PTPRN2: variants seen among roughly 807,000 people sequenced by gnomAD.
PTPRN2 encodes the protein receptor-type tyrosine-protein phosphatase N2.
Under a neutral mutation model 118.8 loss-of-function variants are expected in PTPRN2, and 74 were observed. The ratio of observed to expected loss-of-function variants is 0.62; its 90% CI spans 0.52 to 0.76. PTPRN2 has a LOEUF of 0.76. Among genes scored for constraint, PTPRN2 ranks in the 30% least tolerant of loss-of-function variants. The pLI is 0.00. For synonymous variants in PTPRN2, 641 were observed against 608.0 expected (o/e 1.05, Z -0.80); for missense variants, 1,481 against 1,394.4 (o/e 1.06, Z -0.99).
chr7:158,261,671 CT>C (rs1203793986), intron 3 of PTPRN2, among the ~76,000 whole-genome samples: 2 of 152,130 alleles, frequency 1.3e-5, no homozygotes, highest in Non-Finnish European at 2.9e-5. Flanking sequence ...GGACCGCAGG[CT>C]CCCCCCAGCA....
At chr7:157,628,041 C>T (rs1803691866) in intron 14 of PTPRN2, among the ~76,000 whole-genome samples, 1 of 152,208 alleles carries the variant, frequency 6.6e-6, no homozygotes, top group Non-Finnish European at 1.5e-5. Context: ...CTAGCTCATC[C>T]TACGAGACCA....
At chr7:158,487,373 C>G (rs1177610656) in intron 2 of PTPRN2, among the ~76,000 whole-genome samples, 2 of 152,138 alleles carry the variant, frequency 1.3e-5, no homozygotes, top group Non-Finnish European at 2.9e-5. Context: ...AGCAACGACG[C>G]CATTTTACAT....
intron 12 of PTPRN2, among the ~76,000 whole-genome samples, chr7:157,716,698 A>T (rs111588758): frequency 2.8e-5 from 1 of 35,340 alleles, no homozygotes; most frequent in African/African-American, 1.6e-4. Context: ...GCCTGGTCAC[A>T]CAGACTCTGC....
chr7:158,287,411 G>A (rs941031348), intron 3 of PTPRN2, among the ~76,000 whole-genome samples: 9 of 151,916 alleles, frequency 5.9e-5, no homozygotes, highest in Non-Finnish European at 1.0e-4. Flanking sequence ...GTAATATTAG[G>A]TTGTTTATTT....
At chr7:158,334,162 A>T (rs57691438) in intron 2 of PTPRN2, among the ~76,000 whole-genome samples, 37 of 836 alleles carry the variant, frequency 0.044, 11 homozygotes, top group East Asian at 0.048. Context: ...CAGACGTCAC[A>T]CACACCCACA....
At position 158,482,840 on chromosome 7, in the gene PTPRN2, A is replaced by C. The variant is rs1371201516; in HGVS notation, c.163+6895T>G. The stretch of plus-strand genomic sequence containing the variant: ...GATATGCAATGTTTATATAGACTGG[A>C]TTCAGAACACGCTACCTCAAAATAT... On this transcript the variant is annotated intron_variant, in intron 2 of 22. Transcript: ENST00000389418. Among the ~76,000 whole-genome samples the C allele has an allele frequency of 3.3e-5, 5 of 152,326 alleles. 1 individual carries two copies. The South Asian group carries it at 1.0e-3, about 32-fold the overall frequency.
chr7:158,521,519 G>A (rs979611455), intron 1 of PTPRN2, among the ~76,000 whole-genome samples: 1 of 152,232 alleles, frequency 6.6e-6, no homozygotes, highest in Non-Finnish European at 1.5e-5. Context: ...CACGCTGGGT[G>A]CTGGCTCAGG....
intron 1 of PTPRN2, among the ~76,000 whole-genome samples, chr7:158,540,195 C>T (rs1825904314): frequency 6.6e-6 from 1 of 152,206 alleles, no homozygotes; most frequent in Non-Finnish European, 1.5e-5. Context: ...TCTGCATTTC[C>T]TCATGGTTCT....
chr7:158,389,021 GC>G (rs1308436086), intron 2 of PTPRN2, among the ~76,000 whole-genome samples: 1 of 152,248 alleles, frequency 6.6e-6, no homozygotes, highest in Non-Finnish European at 1.5e-5. Context: ...AACCATGGAG[GC>G]TTGATTTCAC....
At chr7:158,331,554 C>A (rs1195106722) in intron 2 of PTPRN2, among the ~76,000 whole-genome samples, 2 of 141,486 alleles carry the variant, frequency 1.4e-5, no homozygotes, top group African/African-American at 5.6e-5. Flanking sequence ...GAGCTGACAC[C>A]CGCAGACGTC....
At chr7:158,318,205 G>A (rs1045967532) in intron 2 of PTPRN2, among the ~76,000 whole-genome samples, 1 of 152,202 alleles carries the variant, frequency 6.6e-6, no homozygotes, top group Non-Finnish European at 1.5e-5. Flanking sequence ...ACAGGCAGAT[G>A]TGCCCGCTCC....
intron 11 of PTPRN2, among the ~76,000 whole-genome samples, chr7:158,019,957 T>C (rs1333887667): frequency 1.3e-5 from 2 of 152,196 alleles, no homozygotes; most frequent in African/African-American, 4.8e-5. Context: ...ACCCTGCTCC[T>C]CAGGTCCAGC....
At chr7:158,341,710 C>G (rs1203797523) in intron 2 of PTPRN2, among the ~76,000 whole-genome samples, 1 of 139,974 alleles carries the variant, frequency 7.1e-6, no homozygotes, top group African/African-American at 2.9e-5. Context: ...CACCCACACT[C>G]TCACCATAGA....
intron 2 of PTPRN2, among the ~76,000 whole-genome samples, chr7:158,358,247 G>T (rs1233016044): frequency 6.6e-6 from 1 of 152,194 alleles, no homozygotes; most frequent in Non-Finnish European, 1.5e-5. Context: ...GTCTTAAACT[G>T]GTGGGAGGGG....
At position 158,447,631 on chromosome 7, in the gene PTPRN2, G is replaced by A. The variant is rs570162498; in HGVS notation, c.163+42104C>T. ...CTCCAGGAAACAAAGCCACCTGCACGGGTACCCGGCCTGCCTTGCGTCCTG... is the reference window on the plus strand; with the variant it reads ...CTCCAGGAAACAAAGCCACCTGCACAGGTACCCGGCCTGCCTTGCGTCCTG... On this transcript the variant is annotated intron_variant, in intron 2 of 22. Coordinates refer to ENST00000389418, the MANE Select transcript of PTPRN2 (RefSeq NM_002847.5). Among the ~76,000 whole-genome samples the A allele has an allele frequency of 7.9e-5, 12 of 152,366 alleles. No individual in the cohort carries two copies. The South Asian group carries it at 1.2e-3, about 16-fold the overall frequency.
chr7:157,955,139 C>T (rs542673994), intron 11 of PTPRN2, among the ~76,000 whole-genome samples: 2 of 152,122 alleles, frequency 1.3e-5, no homozygotes, highest in Non-Finnish European at 2.9e-5. Context: ...AGGAGCAGCA[C>T]ACACGAATGC....
intron 2 of PTPRN2, among the ~76,000 whole-genome samples, chr7:158,332,621 T>A (rs1400232012): frequency 6.7e-6 from 1 of 148,514 alleles, no homozygotes; most frequent in Non-Finnish European, 1.5e-5. Context: ...CCTGCAGATG[T>A]CACTCACACC....
intron 3 of PTPRN2, among the ~76,000 whole-genome samples, chr7:158,280,159 G>T (rs1799323076): frequency 6.6e-6 from 1 of 152,202 alleles, no homozygotes; most frequent in African/African-American, 2.4e-5. Flanking sequence ...CGCATAATAT[G>T]AATTGTGTCC....
chr7:157,968,903 T>C (rs1802125795), intron 11 of PTPRN2, among the ~76,000 whole-genome samples: 2 of 152,208 alleles, frequency 1.3e-5, no homozygotes, highest in Admixed American at 1.3e-4. Context: ...AGTAGGCACA[T>C]TTCCCATGGG....
Sources: allele counts gnomAD v4.1 joint callset (sites outside exome capture counted in the v4.1 genomes callset), GRCh38; gene constraint gnomAD v4.1.1; transcripts MANE v1.5; gene names NCBI Gene and HGNC (gene_info 2026-07-23, HGNC 2026-07-21).